Variants in DST observed in about 807,000 individuals in gnomAD.
The protein encoded by DST is bullous pemphigoid antigen.
In DST, 253 loss-of-function variants were observed where a neutral mutation model predicts 875.2. That is an observed-to-expected ratio of 0.29 (90% CI 0.26 to 0.32). The LOEUF (loss-of-function observed/expected upper bound fraction) is 0.32. DST is among the 10% of genes least tolerant of loss of function. The pLI is 1.00. For missense variants in DST, 8,287 were observed against 9,111.6 expected (o/e 0.91, Z 3.68); for synonymous variants, 3,124 against 3,197.1 (o/e 0.98, Z 0.77).
chr6:56,476,557 T>C (rs906467493), intron 91 of DST, among the ~76,000 whole-genome samples: 2 of 152,150 alleles, frequency 1.3e-5, no homozygotes, highest in South Asian at 2.1e-4. Flanking sequence ...TAAAGATGCA[T>C]GTCAATCACT....
chr6:56,499,424 C>T (rs1318616939), intron 80 of DST, among the ~76,000 whole-genome samples: 1 of 152,094 alleles, frequency 6.6e-6, no homozygotes, highest in Non-Finnish European at 1.5e-5. Flanking sequence ...GGATCACTCT[C>T]AGAATCAAAA....
chr6:56,612,288 G>C (rs2098552017), intron 37 of DST, among the ~76,000 whole-genome samples: 1 of 152,208 alleles, frequency 6.6e-6, no homozygotes, highest in Non-Finnish European at 1.5e-5. Flanking sequence ...AGAATTGCTT[G>C]AGTGTGGGAA....
intron 48 of DST, among the ~76,000 whole-genome samples, chr6:56,593,131 T>C (rs1274484976): frequency 6.6e-6 from 1 of 152,162 alleles, no homozygotes. Context: ...ATTTGAGAGC[T>C]GGGACTTCTG....
chr6:56,642,687 A>G, intron 15 of DST, 184 bp from the exon 16 acceptor site: 5 of 1,614,168 alleles, frequency 3.1e-6, no homozygotes, highest in Non-Finnish European at 4.2e-6. Flanking sequence ...GACCACAATG[A>G]ACCAAGAGAA....
At chr6:56,645,337 A>ACAG (rs1357467885) in intron 15 of DST, among the ~76,000 whole-genome samples, 1 of 152,182 alleles carries the variant, frequency 6.6e-6, no homozygotes, top group African/African-American at 2.4e-5. Flanking sequence ...AGACAAAATG[A>ACAG]CAGAGAACTA....
chr6:56,874,904 C>G (rs1033577288), intron 3 of DST, among the ~76,000 whole-genome samples: 17 of 152,238 alleles, frequency 1.1e-4, no homozygotes, highest in African/African-American at 4.1e-4. Flanking sequence ...CTAATACCAT[C>G]TTCAATCGCA....
Position 56,605,471 on chromosome 6 carries a change from T to C in DST, c.9157A>G (p.Met3053Val). 9 of 1,613,008 alleles carry C rather than the reference T, an allele frequency of 5.6e-6. No individual in the cohort carries two copies. Among genetic ancestry groups the C allele is most frequent in the Non-Finnish European group, 7.6e-6 (9 of 1,179,312 alleles). The change falls in exon 40 of 104, where the codon ATG becomes GTG. Residue 3053 changes from methionine (M) to valine (V), a missense_variant. Around this residue, in one of 10 missense-constraint regions of DST, gnomAD observed 3,138 missense variants for 3,116.6 expected, o/e 1.01. Transcript: ENST00000680361. ...AGCACTTCTCCTTCACCCAAGTACA[T>C]TTTCTGAATTGATGTTTCATCTTCT... Reference protein sequence around the residue: ...LIEDETSIQKMYLGEGEVLVE... With the variant: ...LIEDETSIQKVYLGEGEVLVE...
chr6:56,773,986 C>A (rs1364130218), intron 4 of DST, among the ~76,000 whole-genome samples: 1 of 151,924 alleles, frequency 6.6e-6, no homozygotes, highest in African/African-American at 2.4e-5. Flanking sequence ...CGGTGGTATG[C>A]CCCTATAATC....
In DST at chr6:56,526,436, C is replaced by T. The variant is rs1330531358; in HGVS notation, c.18054G>A (p.Glu6018=). The change falls in exon 69 of 104, where the codon GAG becomes GAA. Residue 6018 remains glutamate (E), a synonymous_variant. Coordinates refer to ENST00000680361, the MANE Select transcript of DST (RefSeq NM_001374736.1). ...GLEKMVAEDN[E]RYRLVSDTIT... ...TGGTGTCGCTCACTAATCGGTAGCGCTCATTGTCCTCAGCTACCATTTTCT... is the reference window on the plus strand; with the variant it reads ...TGGTGTCGCTCACTAATCGGTAGCGTTCATTGTCCTCAGCTACCATTTTCT... The T allele has an allele frequency of 5.0e-6, 8 of 1,613,824 alleles. No individual in the cohort carries two copies. The highest frequency in any genetic ancestry group is 6.8e-6 in the Non-Finnish European group (8 of 1,179,814).
chr6:56,555,250 CT>C, intron 60 of DST, 94 bp downstream of exon 60: 2 of 1,372,236 alleles, frequency 1.5e-6, no homozygotes, highest in Non-Finnish European at 2.0e-6. Flanking sequence ...GGCAGAGTCT[CT>C]TTGGGGTCCT....
At chr6:56,527,790 G>T in intron 67 of DST, 56 bp from the exon 68 acceptor site, 3 of 1,523,590 alleles carry the variant, frequency 2.0e-6, no homozygotes, top group Non-Finnish European at 2.6e-6. Context: ...CAGGGAGAGG[G>T]TTTCTTCAGA....
chr6:56,811,183 C>CAAAA lies in DST; in HGVS notation c.625+40210_625+40213dup, dbSNP rs371256050. On this transcript the variant is annotated intron_variant, in intron 4 of 103. Coordinates refer to ENST00000680361, the MANE Select transcript of DST (RefSeq NM_001374736.1). ...TAGGCGACAGAGCAAGACCCTGTCT[C>CAAAA]AAAAAAAAAAAAAAAAAAAAAAAAA... Among the ~76,000 whole-genome samples the CAAAA allele has an allele frequency of 9.0e-5, 3 of 33,352 alleles. 1 individual carries two copies. Among genetic ancestry groups the CAAAA allele is most frequent in the East Asian group, 1.3e-3 (1 of 756 alleles). The allele number at this position is 33,352 out of a possible 152,430, so 21.9% of individuals were successfully genotyped here.
chr6:56,795,227 T>G (rs2153011746), intron 4 of DST, among the ~76,000 whole-genome samples: 1 of 151,934 alleles, frequency 6.6e-6, no homozygotes, highest in Middle Eastern at 3.4e-3. Flanking sequence ...TACAAAAAAA[T>G]GAATTCTCAG....
intron 2 of DST, among the ~76,000 whole-genome samples, chr6:56,934,560 T>TTATATATATATATATATATATATA (rs60018139): frequency 1.9e-5 from 2 of 106,486 alleles, no homozygotes; most frequent in Non-Finnish European, 3.8e-5. Flanking sequence ...ATATATTATA[T>TTATATATATATATATATATATATA]TATATATATA....
rs1479758673 is a variant in DST at position 56,486,475 on chromosome 6, T to A, written c.21047+629A>T. Reference sequence around the variant, plus strand: ...TATTTAATCTTGATACTGACAAAAATCATTAAGATTAAGGATCAGCGGGAA... The same window carrying A: ...TATTTAATCTTGATACTGACAAAAAACATTAAGATTAAGGATCAGCGGGAA... On this transcript the variant is annotated intron_variant, in intron 87 of 103. Transcript: ENST00000680361. 1.3e-5 allele frequency among the ~76,000 whole-genome samples: 2 copies of A among 148,752 alleles called. 1 individual carries two copies.
At chr6:56,473,549 A>G (rs777296917) in intron 93 of DST, among the ~76,000 whole-genome samples, 1 of 152,170 alleles carries the variant, frequency 6.6e-6, no homozygotes, top group Non-Finnish European at 1.5e-5. Context: ...TTAATGTTAT[A>G]TATATAATGG....
At chr6:56,796,762 A>G (rs2099740327) in intron 4 of DST, among the ~76,000 whole-genome samples, 1 of 152,120 alleles carries the variant, frequency 6.6e-6, no homozygotes, top group Non-Finnish European at 1.5e-5. Context: ...TACTGTAGTA[A>G]CGTAACAAGG....
rs533460439 is a variant in DST, at chr6:56,605,318, T to A, written c.9310A>T (p.Asn3104Tyr). Residue 3104 changes from asparagine to tyrosine, a missense_variant, in exon 40 of 104, where the codon AAT becomes TAT. Coordinates refer to ENST00000680361, the MANE Select transcript of DST (RefSeq NM_001374736.1). ...GCTTTTTTAAGGCTTCCTTTCTGATTAAGTTCTTCATTGTTTGTGATTTGT... is the reference window on the plus strand; with the variant it reads ...GCTTTTTTAAGGCTTCCTTTCTGATAAAGTTCTTCATTGTTTGTGATTTGT... ...FPQITNNEEL[N>Y]QKGSLKKATV... 1.2e-6 allele frequency: 2 copies of A among 1,612,304 alleles called. No individual in the cohort carries two copies. The highest frequency in any genetic ancestry group is 1.7e-5 in the Admixed American group (1 of 59,744).
In DST at chr6:56,710,663, C is replaced by T. The variant is rs1224361918; in HGVS notation, c.688-6294G>A. On this transcript the variant is annotated intron_variant, in intron 5 of 103. Transcript: ENST00000680361. The stretch of plus-strand genomic sequence containing the variant: ...TAAGAAAATTAATGCTTTTAAAATA[C>T]ACACAAAAAATGCTCAAAAACATTG... 2.6e-5 allele frequency among the ~76,000 whole-genome samples: 4 copies of T among 151,974 alleles called. No homozygotes were observed. In the East Asian group the frequency reaches 7.7e-4, roughly 29 times the overall value.
Sources: allele counts gnomAD v4.1 joint callset (sites outside exome capture counted in the v4.1 genomes callset), GRCh38; gene constraint gnomAD v4.1.1; regional missense constraint gnomAD v4.1.1; transcripts MANE v1.5; gene names NCBI Gene and HGNC (gene_info 2026-07-23, HGNC 2026-07-21).